MCF2L: variants seen among roughly 807,000 people sequenced by gnomAD.
The protein encoded by MCF2L is MCF.2 cell line derived transforming sequence like.
MCF2L carries 97 observed loss-of-function variants against 153.4 expected under a neutral mutation model. The observed-to-expected ratio is 0.63, with a 90% CI of 0.54 to 0.75. The LOEUF (loss-of-function observed/expected upper bound fraction) is 0.75, where lower values mean the gene tolerates loss of function less well. Among genes scored for constraint, MCF2L ranks in the 30% least tolerant of loss-of-function variants. The probability of loss-of-function intolerance (pLI) is 0.00; values close to 1 mark genes in which losing one functional copy is unlikely to be tolerated. For missense variants in MCF2L, 1,347 were observed against 1,495.2 expected (o/e 0.90, Z 1.64); for synonymous variants, 659 against 632.2 (o/e 1.04, Z -0.64).
At chr13:113,021,570 G>A (rs2084886418) in intron 2 of MCF2L, among the ~76,000 whole-genome samples, 1 of 152,192 alleles carries the variant, frequency 6.6e-6, no homozygotes, top group African/African-American at 2.4e-5. Flanking sequence ...GGAGCCCTCT[G>A]TCCTCTGCGG....
chr13:113,027,175 T>G lies in MCF2L; in HGVS notation c.278+2417T>G, dbSNP rs2085365245. 1.5e-6 allele frequency: 1 copy of G among 653,590 alleles called. No individual in the cohort carries two copies. The highest frequency in any genetic ancestry group is 1.8e-5 in the African/African-American group (1 of 56,268). 40.5% of individuals were successfully genotyped at this position (653,590 alleles called of 1,614,324 possible). Reference sequence around the variant, plus strand: ...TGGCCATTACCGTGAAGGTTCTTCATTCTTCAGTCTTTAAAGACAACAGCG... The same window carrying G: ...TGGCCATTACCGTGAAGGTTCTTCAGTCTTCAGTCTTTAAAGACAACAGCG... On this transcript the variant is annotated intron_variant, in intron 3 of 29. Coordinates refer to ENST00000535094, the MANE Select transcript of MCF2L (RefSeq NM_001112732.3). This position sits in a 1 kb window ranked among gnomAD's most constrained non-coding sequence, Gnocchi z 4.8.
At chr13:113,076,439 AT>A (rs1653957618) in intron 12 of MCF2L, among the ~76,000 whole-genome samples, 1 of 151,900 alleles carries the variant, frequency 6.6e-6, no homozygotes, top group South Asian at 2.1e-4. Flanking sequence ...TAATTTTTGT[AT>A]TTTTATTAGA....
chr13:112,980,098 T>G (rs967280917), intron 1 of MCF2L, among the ~76,000 whole-genome samples: 1 of 152,222 alleles, frequency 6.6e-6, no homozygotes, highest in Non-Finnish European at 1.5e-5. Context: ...ACACGCGGTC[T>G]GTGGGCAGGT....
chr13:112,931,808 C>CG (rs1350631022), intron 2 of MCF2L, among the ~76,000 whole-genome samples: 2 of 152,064 alleles, frequency 1.3e-5, no homozygotes, highest in African/African-American at 4.8e-5. Flanking sequence ...CCCAAACCCA[C>CG]GTGGATGGGG....
intron 2 of MCF2L, among the ~76,000 whole-genome samples, chr13:112,925,765 C>T (rs1056500248): frequency 2.6e-5 from 4 of 152,012 alleles, no homozygotes; most frequent in East Asian, 1.9e-4. Context: ...TAAACTGCTC[C>T]GTGCATGTTC....
At chr13:113,001,618 A>AC (rs2083380883) in intron 1 of MCF2L, 1 of 1,180,966 alleles carries the variant, frequency 8.5e-7, no homozygotes, top group African/African-American at 1.6e-5. Flanking sequence ...AACACCAGGA[A>AC]CCTGAAGCCT....
At chr13:112,915,056 G>C (rs953550290) in intron 2 of MCF2L, among the ~76,000 whole-genome samples, 2 of 151,892 alleles carry the variant, frequency 1.3e-5, no homozygotes, top group Non-Finnish European at 2.9e-5. Context: ...TTGTTGTATG[G>C]TGTCAAGTAT....
At chr13:113,060,881 T>C (rs1280641304) in intron 5 of MCF2L, among the ~76,000 whole-genome samples, 169 bp downstream of exon 5, 1 of 151,970 alleles carries the variant, frequency 6.6e-6, no homozygotes. Flanking sequence ...CCAGAAGCAG[T>C]ACAATCCTTT....
chr13:112,921,369 TA>T (rs1041830726), intron 2 of MCF2L, among the ~76,000 whole-genome samples: 2 of 152,220 alleles, frequency 1.3e-5, no homozygotes, highest in Non-Finnish European at 2.9e-5. Flanking sequence ...CCTCCATTGA[TA>T]AAGTCTGAGA....
intron 4 of MCF2L, among the ~76,000 whole-genome samples, chr13:113,060,301 G>T: frequency 6.6e-6 from 1 of 152,188 alleles, no homozygotes; most frequent in East Asian, 1.9e-4. Context: ...TCATAATTTG[G>T]GGGGACACAG....
intron 1 of MCF2L, among the ~76,000 whole-genome samples, chr13:113,000,147 C>T (rs1432584158): frequency 6.6e-6 from 1 of 152,144 alleles, no homozygotes; most frequent in African/African-American, 2.4e-5. Context: ...ATCTGGGATG[C>T]GTTCTGACGG....
rs375574364 is a variant in MCF2L, at chr13:113,074,990, G to A, written c.1117-8G>A. The A allele has an allele frequency of 2.1e-5, 34 of 1,592,718 alleles. No individual in the cohort carries two copies. Among genetic ancestry groups the A allele is most frequent in the African/African-American group, 1.5e-4 (11 of 74,586 alleles). On this transcript the variant is annotated splice_region_variant and splice_polypyrimidine_tract_variant and intron_variant, in intron 10 of 29. Coordinates refer to ENST00000535094, the MANE Select transcript of MCF2L (RefSeq NM_001112732.3). The surrounding 1 kb of genome is among the most constrained non-coding windows in gnomAD (Gnocchi z 4.2). ...GCCTGAGCTGGTCCTCTGGGTGGCC[G>A]TCCACAGGTGGCCGTGGAGAGGGCC... is the stretch of plus-strand genomic sequence containing the variant.
intron 1 of MCF2L, among the ~76,000 whole-genome samples, chr13:113,004,159 G>C (rs2083543592): frequency 6.6e-6 from 1 of 152,204 alleles, no homozygotes; most frequent in African/African-American, 2.4e-5. Flanking sequence ...GGGAGGTTTG[G>C]CTCTGGCATG....
In MCF2L at chr13:113,097,833, G is replaced by C. The variant is rs187097432; in HGVS notation, c.*974G>C. On this transcript the variant is annotated 3_prime_UTR_variant, in exon 30 of 30. Transcript: ENST00000535094. ...TGCCTCACTGCACTGCAGCCTCCTC[G>C]GAGGCCGCACCTCCACTCCACTCCC... 2.6e-5 allele frequency: 4 copies of C among 152,024 alleles called. No homozygotes were observed. Among genetic ancestry groups the C allele is most frequent in the Non-Finnish European group, 5.9e-5 (4 of 67,994 alleles). 9.4% of individuals were successfully genotyped at this position (152,024 alleles called of 1,614,324 possible). A position where few individuals can be genotyped will look rare whatever the true frequency, so the allele number is the denominator to read the frequency against.
rs9577182 is a variant in MCF2L, at chr13:112,959,937, T to C, written c.170-54826T>C. 4.9e-3 allele frequency among the ~76,000 whole-genome samples: 744 copies of C among 152,322 alleles called. 25 individuals are homozygous for C. In the East Asian group the frequency reaches 0.1, roughly 21 times the overall value. Reference sequence around the variant, plus strand: ...TGCACAGTGGACACGCTGTGGCCTGTGCTGTCTGTGACGGCAGCAGCACCT... The same window carrying C: ...TGCACAGTGGACACGCTGTGGCCTGCGCTGTCTGTGACGGCAGCAGCACCT... On this transcript the variant is annotated intron_variant, in intron 2 of 29. Transcript: ENST00000375608.
At position 113,070,414 on chromosome 13, in the gene MCF2L, A is replaced by G. The variant is rs560525536; in HGVS notation, c.996+241A>G. ...ATTGAAAATCAGCTCACTGGGATGC[A>G]CTTACACTGCATTATTCGTAAAGTA... On this transcript the variant is annotated intron_variant, in intron 9 of 29. Transcript: ENST00000535094. The surrounding 1 kb of genome is among the most constrained non-coding windows in gnomAD (Gnocchi z 5.6). 1 of 333,614 alleles carries G rather than the reference A, an allele frequency of 3.0e-6. No individual in the cohort carries two copies. The highest frequency in any genetic ancestry group is 5.4e-6 in the Non-Finnish European group (1 of 183,998). 20.7% of individuals were successfully genotyped at this position (333,614 alleles called of 1,614,324 possible).
At chr13:112,914,874 T>TC (rs2081274630) in intron 2 of MCF2L, among the ~76,000 whole-genome samples, 1 of 152,114 alleles carries the variant, frequency 6.6e-6, no homozygotes, top group Non-Finnish European at 1.5e-5. Flanking sequence ...GACTTTCCTT[T>TC]TTTTTTTTCT....
intron 2 of MCF2L, among the ~76,000 whole-genome samples, chr13:113,024,328 T>A (rs981950517): frequency 1.3e-5 from 2 of 151,244 alleles, no homozygotes; most frequent in Non-Finnish European, 2.9e-5. Context: ...CAAGCTTCTC[T>A]ATGCAGTATC....
chr13:112,964,474 A>C (rs1373069203), upstream of MCF2L, among the ~76,000 whole-genome samples: 3 of 152,264 alleles, frequency 2.0e-5, no homozygotes, highest in African/African-American at 7.2e-5. Flanking sequence ...ATGTGGATGC[A>C]TGTTACCATA....
Sources: gnomAD v4.1 joint callset for allele counts (sites outside exome capture counted in the v4.1 genomes callset) on GRCh38, gnomAD v4.1.1 for gene constraint, Gnocchi (gnomAD v3.1) non-coding constraint, MANE v1.5 for transcripts, NCBI Gene and HGNC (gene_info 2026-07-23, HGNC 2026-07-21) for gene names.